Variants in SMARCA1 observed in about 807,000 individuals in gnomAD.
The protein encoded by SMARCA1 is SNF2 related chromatin remodeling ATPase 1, also known as SWI/SNF-related matrix-associated actin-dependent regulator of chromatin subfamily A member 1.
SMARCA1 carries 17 observed loss-of-function variants against 93.6 expected under a neutral mutation model. That is an observed-to-expected ratio of 0.18 (90% CI 0.12 to 0.27). The LOEUF is 0.27. SMARCA1 is among the 10% of genes least tolerant of loss of function. The probability of loss-of-function intolerance (pLI) is 1.00; values close to 1 mark genes in which losing one functional copy is unlikely to be tolerated. For missense variants in SMARCA1, 630 were observed against 819.0 expected (o/e 0.77, Z 2.82); for synonymous variants, 271 against 271.4 (o/e 1.00, Z 0.01).
chrX:129,485,140 G>A (rs1933839561), intron 17 of SMARCA1, among the ~76,000 whole-genome samples: 3 of 112,295 alleles, frequency 2.7e-5, no homozygotes, highest in African/African-American at 9.7e-5. Context: ...ATCTGGAAAA[G>A]CTGCAGGCAC....
At chrX:129,504,864 G>C in intron 8 of SMARCA1, 62 bp from the exon 9 acceptor site, 2 of 704,494 alleles carry the variant, frequency 2.8e-6, no homozygotes, top group South Asian at 5.0e-5. Context: ...CCGATATTCT[G>C]TAGATTCTTA....
At chrX:129,518,808 A>G (rs1239025941) in intron 1 of SMARCA1, among the ~76,000 whole-genome samples, 1 of 111,789 alleles carries the variant, frequency 8.9e-6, no homozygotes, top group Non-Finnish European at 1.9e-5. Flanking sequence ...GCTAATATCA[A>G]CCACAAACCA....
chrX:129,517,674 A>T (rs1287623567), intron 2 of SMARCA1, among the ~76,000 whole-genome samples: 1 of 111,007 alleles, frequency 9.0e-6, no homozygotes, highest in Non-Finnish European at 1.9e-5. Context: ...TTACTGCAAA[A>T]ACAACCCCTC....
intron 18 of SMARCA1, 124 bp downstream of exon 18, chrX:129,480,951 C>CT (rs1479207561): frequency 1.3e-5 from 7 of 548,198 alleles, no homozygotes; most frequent in Admixed American, 1.3e-4. Flanking sequence ...AAATCAGATA[C>CT]TTTTTTGTAC....
chrX:129,509,307 A>C (rs1311755611), intron 6 of SMARCA1, among the ~76,000 whole-genome samples: 2 of 111,594 alleles, frequency 1.8e-5, no homozygotes, highest in African/African-American at 6.5e-5. Context: ...CTGCAGACTC[A>C]TTCAACAGAT....
At chrX:129,504,703 T>A in intron 9 of SMARCA1, 31 bp downstream of exon 9, 5 of 1,026,286 alleles carry the variant, frequency 4.9e-6, no homozygotes, top group Non-Finnish European at 6.9e-6. Context: ...TACTATTTAA[T>A]TACTGAATGT....
At chrX:129,479,880 T>G (rs1933571509) in intron 19 of SMARCA1, among the ~76,000 whole-genome samples, 1 of 110,746 alleles carries the variant, frequency 9.0e-6, no homozygotes, top group Non-Finnish European at 1.9e-5. Flanking sequence ...GCATTTTTAG[T>G]AGAGACGGGG....
chrX:129,516,556 T>C, intron 2 of SMARCA1, 59 bp from the exon 3 acceptor site: 2 of 942,844 alleles, frequency 2.1e-6, no homozygotes, highest in Non-Finnish European at 3.0e-6. Flanking sequence ...CAAAGTTATT[T>C]AACAAATACT....
At chrX:129,470,055 T>A (rs1933045134) in intron 20 of SMARCA1, among the ~76,000 whole-genome samples, 1 of 111,382 alleles carries the variant, frequency 9.0e-6, no homozygotes, top group Non-Finnish European at 1.9e-5. Flanking sequence ...AAAATTACGT[T>A]ATAGCAAAAA....
chrX:129,523,138 C>G, intron 1 of SMARCA1, 59 bp downstream of exon 1: 2 of 1,153,564 alleles, frequency 1.7e-6, no homozygotes, highest in Non-Finnish European at 2.4e-6. Context: ...GGGTTTGGGC[C>G]CCTCAGAGGG....
chrX:129,508,095 G>A lies in SMARCA1; in HGVS notation c.812C>T (p.Ala271Val), dbSNP rs1274082745. 3 of 1,118,402 alleles carry A rather than the reference G, an allele frequency of 2.7e-6. No homozygotes were observed. In the East Asian group the frequency reaches 9.4e-5, roughly 35 times the overall value. The allele number at this position is 1,118,402 out of a possible 1,213,427, so 92.2% of individuals were successfully genotyped here. Residue 271 changes from alanine (A) to valine (V), a missense_variant and splice_region_variant, in exon 7 of 25, where the codon GCT (alanine) becomes GTT (valine). Physicochemically the swap from Ala to Val is moderately conservative, Grantham distance 64. Around this residue, in one of 4 missense-constraint regions of SMARCA1, gnomAD observed 382 missense variants for 537.9 expected, o/e 0.71. Transcript: ENST00000371121. ...CATCATTTCATCACGAATAAAAGCA[G>A]CCTAATGCAAAATAAAATACTTCAT... is the stretch of plus-strand genomic sequence containing the variant. ...ICFVGDKDAR[A>V]AFIRDEMMPG...
rs1935205960 is a variant in SMARCA1 at position 129,516,479 on chromosome X, T to C, written c.280A>G (p.Arg94Gly). The change falls in exon 3 of 25, where the codon AGA (arginine) becomes GGA (glycine). Residue 94 changes from arginine to glycine, a missense_variant. Arg to Gly is a moderately radical substitution (Grantham distance 125). Transcript: ENST00000371121. Reference protein sequence around the residue: ...EEKMKADRAKRFEFLLKQTEL... With the variant: ...EEKMKADRAKGFEFLLKQTEL... ...GTCTGCTTCAGTAAAAATTCAAATC[T>C]CTTTGCTCGGTCGGCTTTCTAATTT... 8.3e-7 allele frequency: 1 copy of C among 1,201,095 alleles called. No homozygotes were observed. Among genetic ancestry groups the C allele is most frequent in the African/African-American group, 1.8e-5 (1 of 56,942 alleles).
chrX:129,457,191 T>C (rs888374399), intron 23 of SMARCA1, among the ~76,000 whole-genome samples: 1 of 112,624 alleles, frequency 8.9e-6, no homozygotes, highest in African/African-American at 3.2e-5. Context: ...CTCAGATGAC[T>C]GTTAACCTTT....
intron 9 of SMARCA1, among the ~76,000 whole-genome samples, 156 bp downstream of exon 9, chrX:129,504,578 A>AAAAC (rs1156976111): frequency 3.9e-5 from 4 of 101,941 alleles, no homozygotes; most frequent in African/African-American, 1.5e-4. Flanking sequence ...AAAAAAAAAA[A>AAAAC]AAACAAAGAG....
At chrX:129,480,906 A>G (rs1933624533) in intron 18 of SMARCA1, 92 bp from the exon 19 acceptor site, 1 of 606,783 alleles carries the variant, frequency 1.6e-6, no homozygotes, top group Non-Finnish European at 2.5e-6. Context: ...ATATGGAACA[A>G]TAAATACAAT....
chrX:129,509,261 C>T (rs1022836846), intron 6 of SMARCA1, among the ~76,000 whole-genome samples: 1 of 110,351 alleles, frequency 9.1e-6, no homozygotes, highest in Non-Finnish European at 1.9e-5. Flanking sequence ...CCTGCAAAGT[C>T]TTTATTTCAT....
chrX:129,499,250 C>A (rs1337434903), intron 10 of SMARCA1, among the ~76,000 whole-genome samples: 1 of 111,030 alleles, frequency 9.0e-6, no homozygotes. Context: ...CTTTGTTGCC[C>A]AGGCTAGTCT....
chrX:129,489,052 G>C lies in SMARCA1; in HGVS notation c.1982C>G (p.Ala661Gly), dbSNP rs759040361. ...RLIDQQSNKL[A>G]KEEMLQMIRH... ...TATCATTTGTAACATTTCCTCTTTT[G>C]CCAGCTTGTTAGACTGTTGGTCAAT... Residue 661 changes from alanine to glycine, a missense_variant, in exon 16 of 25, where the codon GCA becomes GGA. Ala to Gly is a moderately conservative substitution (Grantham distance 60). Around this residue, in one of 4 missense-constraint regions of SMARCA1, gnomAD observed 382 missense variants for 537.9 expected, o/e 0.71. Transcript: ENST00000371121. 1 of 1,192,316 alleles carries C rather than the reference G, an allele frequency of 8.4e-7. No homozygotes were observed. The highest frequency in any genetic ancestry group is 1.8e-5 in the African/African-American group (1 of 56,996).
intron 23 of SMARCA1, among the ~76,000 whole-genome samples, chrX:129,462,666 A>T (rs1463901426): frequency 1.8e-5 from 2 of 111,706 alleles, no homozygotes; most frequent in Non-Finnish European, 3.8e-5. Flanking sequence ...TATAAAATAA[A>T]CTACTGCATG....
Sources: gnomAD v4.1 joint callset for allele counts (sites outside exome capture counted in the v4.1 genomes callset) on GRCh38, gnomAD v4.1.1 for gene constraint, gnomAD v4.1.1 regional missense constraint, MANE v1.5 for transcripts, NCBI Gene and HGNC (gene_info 2026-07-23, HGNC 2026-07-21) for gene names.